The following SVIL variants were observed in gnomAD, a reference collection of about 807,000 sequenced individuals.
The protein encoded by SVIL is supervillin, also known as archvillin.
SVIL carries 101 observed loss-of-function variants against 240.4 expected under a neutral mutation model. That is an observed-to-expected ratio of 0.42 (90% CI 0.36 to 0.50). The LOEUF (loss-of-function observed/expected upper bound fraction) is 0.50. SVIL is among the 20% of genes least tolerant of loss of function. The pLI, the probability that SVIL is intolerant of heterozygous loss-of-function variation, is 0.01. For missense variants in SVIL, 2,512 were observed against 2,818.7 expected (o/e 0.89, Z 2.46); for synonymous variants, 999 against 1,100.0 (o/e 0.91, Z 1.82).
intron 1 of SVIL, among the ~76,000 whole-genome samples, chr10:29,713,050 G>A (rs922648640): frequency 6.6e-6 from 1 of 151,980 alleles, no homozygotes; most frequent in African/African-American, 2.4e-5. Flanking sequence ...GTGGTGGCGG[G>A]CACCTATAAT....
chr10:29,669,735 T>A (rs1959617042), intron 2 of SVIL, among the ~76,000 whole-genome samples: 1 of 152,140 alleles, frequency 6.6e-6, no homozygotes, highest in Non-Finnish European at 1.5e-5. Context: ...GAGATCGAGA[T>A]GTTGGGACGA....
upstream of SVIL, among the ~76,000 whole-genome samples, chr10:29,638,945 G>A (rs183644721): frequency 4.7e-4 from 72 of 152,214 alleles, no homozygotes; most frequent in African/African-American, 1.7e-3. Flanking sequence ...GAGGAGATCG[G>A]GTCATCTCAA....
At position 29,530,593 on chromosome 10, in the gene SVIL, T is replaced by G; in HGVS notation, c.2106+14A>C. On this transcript the variant is annotated intron_variant, in intron 11 of 37. Coordinates refer to ENST00000355867, the MANE Select transcript of SVIL (RefSeq NM_021738.3). Reference sequence around the variant, plus strand: ...CAGTAGGGATCTCTATTCAAGCACGTCAGCACAGCTTACCCTGAAAAGCAA... The same window carrying G: ...CAGTAGGGATCTCTATTCAAGCACGGCAGCACAGCTTACCCTGAAAAGCAA... 1.2e-6 allele frequency: 2 copies of G among 1,614,082 alleles called. No individual in the cohort carries two copies. The highest frequency in any genetic ancestry group is 1.7e-6 in the Non-Finnish European group (2 of 1,179,976).
At position 29,564,931 on chromosome 10, in the gene SVIL, T is replaced by TA. The variant is rs541824416; in HGVS notation, c.-142-1640dup. ...AACTACTCCTTTCAGTGTAGAAACC[T>TA]AAAAAAATTAAATAATGGCAGAAAT... On this transcript the variant is annotated intron_variant, in intron 2 of 37. Transcript: ENST00000355867. Among the ~76,000 whole-genome samples, 426 of 152,264 alleles carry TA rather than the reference T, an allele frequency of 2.8e-3. 2 individuals are homozygous for TA. Among genetic ancestry groups the TA allele is most frequent in the African/African-American group, 9.8e-3 (408 of 41,542 alleles).
chr10:29,674,177 A>T (rs1960025087), intron 2 of SVIL, among the ~76,000 whole-genome samples: 2 of 152,216 alleles, frequency 1.3e-5, no homozygotes, highest in East Asian at 1.9e-4. Flanking sequence ...CAAAAAAAAA[A>T]TTAAAAAATT....
intron 1 of SVIL, among the ~76,000 whole-genome samples, chr10:29,694,286 G>A (rs1248632333): frequency 1.3e-5 from 2 of 150,622 alleles, no homozygotes; most frequent in African/African-American, 4.9e-5. Context: ...GGTAGCACAT[G>A]CCTATAGTCC....
intron 1 of SVIL, among the ~76,000 whole-genome samples, chr10:29,706,632 G>C (rs755078311): frequency 1.3e-5 from 2 of 152,098 alleles, no homozygotes; most frequent in African/African-American, 2.4e-5. Context: ...AGTTTCTTTT[G>C]CTGTGCAGAA....
At chr10:29,685,575 G>A (rs544646500) in intron 2 of SVIL, among the ~76,000 whole-genome samples, 1 of 152,276 alleles carries the variant, frequency 6.6e-6, no homozygotes, top group African/African-American at 2.4e-5. Context: ...AACCTCGCCG[G>A]CATCTGTTAT....
intron 10 of SVIL, among the ~76,000 whole-genome samples, chr10:29,530,977 T>C (rs189091014): frequency 1.2e-3 from 177 of 152,344 alleles, no homozygotes; most frequent in Middle Eastern, 3.4e-3. Context: ...TTTTAAATAG[T>C]AGCAGCAGCA....
chr10:29,470,175 A>C (rs1312898679), intron 32 of SVIL, 101 bp downstream of exon 32: 1 of 1,374,718 alleles, frequency 7.3e-7, no homozygotes, highest in African/African-American at 1.4e-5. Flanking sequence ...AGTCACTTTC[A>C]GCACCCTGGG....
intron 20 of SVIL, 140 bp from the exon 21 acceptor site, chr10:29,493,531 G>T: frequency 3.2e-6 from 3 of 927,716 alleles, no homozygotes; most frequent in Non-Finnish European, 4.8e-6. Context: ...GGGTCCTGTG[G>T]TTGCTTCCCA....
At chr10:29,591,555 A>C (rs1010603205) in intron 1 of SVIL, among the ~76,000 whole-genome samples, 1 of 152,218 alleles carries the variant, frequency 6.6e-6, no homozygotes, top group Non-Finnish European at 1.5e-5. Context: ...TTTTGTACAT[A>C]AGCATTGCTA....
chr10:29,584,417 G>A (rs1232350610), intron 1 of SVIL, among the ~76,000 whole-genome samples: 2 of 152,214 alleles, frequency 1.3e-5, no homozygotes, highest in East Asian at 1.9e-4. Flanking sequence ...TCCCTGCCCT[G>A]CTGCCACCAC....
chr10:29,634,116 C>A (rs1958218174), intron 1 of SVIL, among the ~76,000 whole-genome samples: 2 of 151,512 alleles, frequency 1.3e-5, no homozygotes, highest in African/African-American at 4.9e-5. Flanking sequence ...TAAGTGCTAA[C>A]ATTTAGACAG....
chr10:29,530,505 C>G, intron 11 of SVIL, 102 bp downstream of exon 11: 2 of 1,365,392 alleles, frequency 1.5e-6, no homozygotes, highest in Non-Finnish European at 2.1e-6. Context: ...AGGCTGGTCT[C>G]AAACTCCTGG....
intron 3 of SVIL, among the ~76,000 whole-genome samples, chr10:29,645,980 T>C (rs1057487856): frequency 6.6e-6 from 1 of 152,210 alleles, no homozygotes; most frequent in African/African-American, 2.4e-5. Flanking sequence ...TTGCTACAGC[T>C]CCCTTCAGCT....
At chr10:29,736,224 C>T (rs901067854), upstream of SVIL, among the ~76,000 whole-genome samples, 5 of 152,214 alleles carry the variant, frequency 3.3e-5, no homozygotes, top group Non-Finnish European at 1.5e-5. Context: ...CCAGCCGCGT[C>T]CTCGGAGGTG....
At chr10:29,565,226 G>A (rs1317295067) in intron 2 of SVIL, among the ~76,000 whole-genome samples, 2 of 152,078 alleles carry the variant, frequency 1.3e-5, no homozygotes, top group African/African-American at 2.4e-5. Flanking sequence ...GCTCAATAGA[G>A]CCACTAATAA....
At chr10:29,640,353 A>G (rs973835224) in intron 3 of SVIL, among the ~76,000 whole-genome samples, 1 of 151,950 alleles carries the variant, frequency 6.6e-6, no homozygotes, top group African/African-American at 2.4e-5. Context: ...CAGCTCTCCC[A>G]TGCCTTTCTG....
Sources: allele counts gnomAD v4.1 joint callset (sites outside exome capture counted in the v4.1 genomes callset), GRCh38; gene constraint gnomAD v4.1.1; transcripts MANE v1.5; gene names NCBI Gene and HGNC (gene_info 2026-07-23, HGNC 2026-07-21).